Variants in NTRK3 observed in about 807,000 individuals in gnomAD.
The protein encoded by NTRK3 is neurotrophic receptor tyrosine kinase 3.
NTRK3 carries 24 observed loss-of-function variants against 91.7 expected under a neutral mutation model. The observed-to-expected ratio is 0.26, with a 90% CI of 0.19 to 0.37. NTRK3 has a LOEUF of 0.37. Among genes scored for constraint, NTRK3 ranks in the 10% least tolerant of loss-of-function variants. NTRK3 has a pLI of 1.00. For synonymous variants in NTRK3, 483 were observed against 404.0 expected, an observed-to-expected ratio of 1.20 and a Z score of -2.34; for missense variants, 880 against 1,068.9, an observed-to-expected ratio of 0.82 and a Z score of 2.46.
intron 17 of NTRK3, among the ~76,000 whole-genome samples, chr15:87,898,823 T>A (rs1354418649): frequency 2.3e-4 from 24 of 103,932 alleles, no homozygotes; most frequent in Non-Finnish European, 2.2e-4. Flanking sequence ...CTGTCTCTAC[T>A]AAAAAAAAAA....
At chr15:88,231,731 A>C (rs1313423402) in intron 3 of NTRK3, among the ~76,000 whole-genome samples, 1 of 152,152 alleles carries the variant, frequency 6.6e-6, no homozygotes, top group Non-Finnish European at 1.5e-5. Flanking sequence ...TGAGCGGTTT[A>C]AAGAGTTTTC....
intron 17 of NTRK3, among the ~76,000 whole-genome samples, chr15:87,904,252 G>T (rs1004916507): frequency 9.2e-5 from 14 of 151,514 alleles, no homozygotes; most frequent in African/African-American, 3.4e-4. Flanking sequence ...CGGGGTTCAA[G>T]TGCTTCTCCT....
At chr15:88,060,243 G>C (rs1326568108) in intron 13 of NTRK3, among the ~76,000 whole-genome samples, 1 of 152,104 alleles carries the variant, frequency 6.6e-6, no homozygotes, top group East Asian at 1.9e-4. Flanking sequence ...AATTAGCCAG[G>C]CATGGTGGCA....
chr15:88,078,293 C>G (rs115163248), intron 13 of NTRK3, among the ~76,000 whole-genome samples: 4,636 of 152,118 alleles, frequency 0.03, 222 homozygotes, highest in African/African-American at 0.1. Flanking sequence ...TCCTTATTGG[C>G]GAAGAAGCAC....
chr15:88,114,534 T>C (rs896025142), intron 13 of NTRK3, among the ~76,000 whole-genome samples: 1 of 152,250 alleles, frequency 6.6e-6, no homozygotes. Context: ...ATTCTTGGTA[T>C]GCAACTATAA....
intron 14 of NTRK3, among the ~76,000 whole-genome samples, chr15:87,967,653 G>C (rs1005793995): frequency 6.6e-6 from 1 of 152,090 alleles, no homozygotes; most frequent in Non-Finnish European, 1.5e-5. Context: ...AATCCTGTTC[G>C]TGCTGAGTCT....
At chr15:88,185,252 CA>C (rs2046853535) in intron 3 of NTRK3, among the ~76,000 whole-genome samples, 1 of 152,124 alleles carries the variant, frequency 6.6e-6, no homozygotes, top group Non-Finnish European at 1.5e-5. Context: ...CACTATTAAC[CA>C]GAGCTTTTTA....
chr15:87,965,893 C>T (rs756519452), intron 14 of NTRK3, among the ~76,000 whole-genome samples: 9 of 152,042 alleles, frequency 5.9e-5, no homozygotes, highest in Admixed American at 2.0e-4. Context: ...GCCTGGCCAA[C>T]GTGGTGAAAC....
chr15:88,182,006 T>C (rs1252915641), intron 5 of NTRK3, among the ~76,000 whole-genome samples: 1 of 152,098 alleles, frequency 6.6e-6, no homozygotes, highest in Non-Finnish European at 1.5e-5. Context: ...TCCAAGACCC[T>C]CCTCTGGTCC....
chr15:87,953,033 C>T (rs2071302276), intron 14 of NTRK3, among the ~76,000 whole-genome samples: 1 of 152,164 alleles, frequency 6.6e-6, no homozygotes, highest in African/African-American at 2.4e-5. Flanking sequence ...CCATGCTTCC[C>T]CCTGTCGAAG....
intron 13 of NTRK3, among the ~76,000 whole-genome samples, chr15:88,118,561 G>A (rs1292651395): frequency 6.6e-6 from 1 of 152,118 alleles, no homozygotes; most frequent in African/African-American, 2.4e-5. Flanking sequence ...ATGATTTTTG[G>A]TGAAAAATAA....
chr15:88,255,790 G>C lies in NTRK3; in HGVS notation c.248+116C>G. ...AGAGCGAGCCTGACGCGCGCCCAGC[G>C]GGCGGCGGGCAGCGGCGAGCTGGGG... On this transcript the variant is annotated intron_variant, in intron 3 of 18. Transcript: ENST00000394480. The surrounding 1 kb of genome is among the most constrained non-coding windows in gnomAD (Gnocchi z 4.3). 1 of 835,480 alleles carries C rather than the reference G, an allele frequency of 1.2e-6. No homozygotes were observed. Among genetic ancestry groups the C allele is most frequent in the Non-Finnish European group, 1.6e-6 (1 of 609,980 alleles). 51.8% of individuals were successfully genotyped at this position (835,480 alleles called of 1,614,324 possible). A position where few individuals can be genotyped will look rare whatever the true frequency, so the allele number is the denominator to read the frequency against.
At chr15:87,897,780 A>G (rs550339971) in intron 17 of NTRK3, among the ~76,000 whole-genome samples, 1 of 152,236 alleles carries the variant, frequency 6.6e-6, no homozygotes, top group East Asian at 1.9e-4. Context: ...TGACTTTACT[A>G]AATAGTTAGA....
At chr15:88,075,786 G>GT (rs1275351136) in intron 13 of NTRK3, among the ~76,000 whole-genome samples, 2 of 152,230 alleles carry the variant, frequency 1.3e-5, no homozygotes, top group African/African-American at 4.8e-5. Context: ...GCACCACTTG[G>GT]TGGGGGCAGG....
At chr15:88,082,441 C>T (rs1240742663) in intron 13 of NTRK3, among the ~76,000 whole-genome samples, 1 of 152,140 alleles carries the variant, frequency 6.6e-6, no homozygotes, top group Admixed American at 6.5e-5. Flanking sequence ...CATGTGTGTA[C>T]ACCTGTATCA....
chr15:87,934,291 GAC>G (rs1446761119), intron 15 of NTRK3, among the ~76,000 whole-genome samples: 3 of 152,208 alleles, frequency 2.0e-5, no homozygotes, highest in Admixed American at 2.0e-4. Flanking sequence ...TGTTTCAACT[GAC>G]ACACTTTAGC....
intron 3 of NTRK3, among the ~76,000 whole-genome samples, chr15:88,193,925 C>T (rs187426037): frequency 1.7e-4 from 26 of 152,352 alleles, no homozygotes; most frequent in African/African-American, 5.5e-4. Flanking sequence ...GAATCGTCTA[C>T]ACCTGCAGGC....
At chr15:88,138,474 G>A (rs1043261151) in intron 6 of NTRK3, among the ~76,000 whole-genome samples, 3 of 152,048 alleles carry the variant, frequency 2.0e-5, no homozygotes, top group African/African-American at 7.2e-5. Flanking sequence ...CCCTCCAATG[G>A]CCTTCCATCT....
At chr15:88,089,815 G>A (rs988974177) in intron 13 of NTRK3, among the ~76,000 whole-genome samples, 1 of 152,110 alleles carries the variant, frequency 6.6e-6, no homozygotes, top group African/African-American at 2.4e-5. Flanking sequence ...TAAAATACAG[G>A]TCTGCTCATG....
Sources: gnomAD v4.1 joint callset for allele counts (sites outside exome capture counted in the v4.1 genomes callset) on GRCh38, gnomAD v4.1.1 for gene constraint, Gnocchi (gnomAD v3.1) non-coding constraint, MANE v1.5 for transcripts, NCBI Gene and HGNC (gene_info 2026-07-23, HGNC 2026-07-21) for gene names.